Variants in CNOT10 observed in about 807,000 individuals in gnomAD.
The protein encoded by CNOT10 is CCR4-NOT transcription complex, subunit 10.
In CNOT10, 30 loss-of-function variants were observed where a neutral mutation model predicts 94.6. That is an observed-to-expected ratio of 0.32 (90% confidence interval 0.24 to 0.43). The LOEUF is 0.43. Among genes scored for constraint, CNOT10 ranks in the 20% least tolerant of loss-of-function variants. The pLI is 1.00. For synonymous variants in CNOT10, 289 were observed against 301.6 expected, an observed-to-expected ratio of 0.96 and a Z score of 0.43; for missense variants, 759 against 877.2, an observed-to-expected ratio of 0.87 and a Z score of 1.70.
chr3:32,773,549 C>T lies in CNOT10; in HGVS notation c.2173C>T (p.Gln725Ter). 1.2e-6 allele frequency: 2 copies of T among 1,614,186 alleles called. No homozygotes were observed. Among genetic ancestry groups the T allele is most frequent in the South Asian group, 2.2e-5 (2 of 91,086 alleles). ...TGAAGTGAGAAAGAAGCCAGTGTTT[C>T]AGCCTGTCCACCCGATCCAGCCCAT... ...HSEVRKKPVF[Q>*]PVHPIQPIQM... The change falls in exon 19 of 19, where the codon CAG (glutamine) becomes TAG (stop). Residue 725 changes from glutamine to a stop codon, truncating the protein, a stop_gained. Transcript: ENST00000328834. LOFTEE classifies it high-confidence loss of function.
chr3:32,736,368 TGA>T (rs1377668949), intron 12 of CNOT10, among the ~76,000 whole-genome samples: 1 of 152,316 alleles, frequency 6.6e-6, no homozygotes, highest in East Asian at 1.9e-4. Flanking sequence ...ATTGCAGGCA[TGA>T]GCCACTACAC....
chr3:32,768,521 T>G, intron 17 of CNOT10, among the ~76,000 whole-genome samples: 1 of 151,706 alleles, frequency 6.6e-6, no homozygotes, highest in South Asian at 2.1e-4. Context: ...AGGCGGAGGT[T>G]GCAGTGAGCC....
At chr3:32,717,739 G>A (rs913447436) in intron 7 of CNOT10, among the ~76,000 whole-genome samples, 2 of 151,956 alleles carry the variant, frequency 1.3e-5, no homozygotes, top group Non-Finnish European at 2.9e-5. Context: ...GGTGGCGTGT[G>A]CCTGTAGTCC....
rs754219183 is a variant in CNOT10, at chr3:32,773,565, T to C, written c.2189T>C (p.Ile730Thr). The change falls in exon 19 of 19, where the codon ATC becomes ACC. Residue 730 changes from isoleucine (I) to threonine (T), a missense_variant. Physicochemically the swap from Ile to Thr is moderately conservative, Grantham distance 89. Coordinates refer to ENST00000328834, the MANE Select transcript of CNOT10 (RefSeq NM_015442.3). ...CCAGTGTTTCAGCCTGTCCACCCGA[T>C]CCAGCCCATCCAAATGCCGGCTTTC... is the stretch of plus-strand genomic sequence containing the variant. ...KKPVFQPVHPIQPIQMPAFTT... is the reference protein window; with the variant it reads ...KKPVFQPVHPTQPIQMPAFTT... 8.1e-6 allele frequency: 13 copies of C among 1,614,002 alleles called. No individual in the cohort carries two copies. In the African/African-American group the frequency reaches 1.5e-4, roughly 18 times the overall value.
intron 7 of CNOT10, among the ~76,000 whole-genome samples, chr3:32,718,247 C>A (rs1159714238): frequency 1.3e-5 from 2 of 150,140 alleles, no homozygotes; most frequent in African/African-American, 4.9e-5. Context: ...AGCCAGCCAC[C>A]CATTATCAAA....
intron 18 of CNOT10, among the ~76,000 whole-genome samples, chr3:32,771,512 A>C (rs1337608519): frequency 6.6e-6 from 1 of 152,136 alleles, no homozygotes; most frequent in Non-Finnish European, 1.5e-5. Flanking sequence ...AAGCAGGAGA[A>C]TCGCTTGAGC....
chr3:32,761,198 C>T (rs6550157), intron 14 of CNOT10, among the ~76,000 whole-genome samples: 32,124 of 152,082 alleles, frequency 0.21, 4,465 homozygotes, highest in African/African-American at 0.39. Flanking sequence ...GGAGCTCCTG[C>T]TCTTCTGCAA....
chr3:32,699,006 G>A (rs1697209240), intron 1 of CNOT10, among the ~76,000 whole-genome samples: 1 of 152,110 alleles, frequency 6.6e-6, no homozygotes, highest in Non-Finnish European at 1.5e-5. Flanking sequence ...GACTGGTCTT[G>A]AACTCCTGGG....
intron 13 of CNOT10, among the ~76,000 whole-genome samples, chr3:32,755,690 C>T (rs1700197440): frequency 6.6e-6 from 1 of 151,424 alleles, no homozygotes; most frequent in South Asian, 2.1e-4. Flanking sequence ...AATTTTAATG[C>T]CTAGTCTTGC....
intron 13 of CNOT10, among the ~76,000 whole-genome samples, chr3:32,741,770 A>G (rs1461407769): frequency 2.7e-5 from 4 of 149,044 alleles, no homozygotes; most frequent in African/African-American, 9.8e-5. Flanking sequence ...CTCCGTCTCA[A>G]AAAAAAAAAA....
intron 13 of CNOT10, chr3:32,753,131 CCAAAT>C: frequency 3.4e-6 from 2 of 581,648 alleles, no homozygotes; most frequent in Non-Finnish European, 6.5e-6. Flanking sequence ...CGAATTCAAT[CCAAAT>C]AATTCCACCA....
At chr3:32,763,405 C>G (rs978591235) in intron 15 of CNOT10, among the ~76,000 whole-genome samples, 1 of 152,152 alleles carries the variant, frequency 6.6e-6, no homozygotes, top group Non-Finnish European at 1.5e-5. Flanking sequence ...AATCCCAACA[C>G]TTTGGGAGGC....
intron 13 of CNOT10, among the ~76,000 whole-genome samples, chr3:32,746,502 A>C (rs1699706157): frequency 6.6e-6 from 1 of 152,096 alleles, no homozygotes; most frequent in South Asian, 2.1e-4. Flanking sequence ...TCTCATACGG[A>C]GCACACAACC....
intron 10 of CNOT10, among the ~76,000 whole-genome samples, chr3:32,728,469 TG>T (rs1209103554): frequency 6.6e-6 from 1 of 151,672 alleles, no homozygotes; most frequent in East Asian, 2.0e-4. Flanking sequence ...AAAAAATTAC[TG>T]GGTGTGGCAG....
chr3:32,758,862 T>C (rs1286173973), intron 13 of CNOT10, among the ~76,000 whole-genome samples: 1 of 152,228 alleles, frequency 6.6e-6, no homozygotes, highest in Non-Finnish European at 1.5e-5. Context: ...TTAACCTGTT[T>C]TTTTTCCTTC....
At chr3:32,749,405 A>ATTT (rs61077906) in intron 13 of CNOT10, among the ~76,000 whole-genome samples, 2,223 of 96,188 alleles carry the variant, frequency 0.023, 39 homozygotes, top group East Asian at 0.054. Context: ...TGTTGAGTTA[A>ATTT]TTTTTTTTTT....
intron 8 of CNOT10, 45 bp downstream of exon 8, chr3:32,720,276 T>C: frequency 1.1e-6 from 1 of 902,070 alleles, no homozygotes; most frequent in Non-Finnish European, 1.8e-6. Flanking sequence ...GCCTTGCTCT[T>C]CTACCCCTTC....
At chr3:32,750,778 C>T (rs1699930281) in intron 13 of CNOT10, among the ~76,000 whole-genome samples, 1 of 152,066 alleles carries the variant, frequency 6.6e-6, no homozygotes, top group Non-Finnish European at 1.5e-5. Flanking sequence ...TCTCGAACTC[C>T]TGACCTCGTG....
At chr3:32,737,376 C>T in intron 12 of CNOT10, 34 bp from the exon 13 acceptor site, 12 of 1,401,016 alleles carry the variant, frequency 8.6e-6, no homozygotes, top group Non-Finnish European at 1.2e-5. Context: ...TTATTTGTTG[C>T]TCTTCATAAT....
Sources: gnomAD v4.1 joint callset for allele counts (sites outside exome capture counted in the v4.1 genomes callset) on GRCh38, gnomAD v4.1.1 for gene constraint, MANE v1.5 for transcripts, NCBI Gene and HGNC (gene_info 2026-07-23, HGNC 2026-07-21) for gene names.